Variants in ASCC3 observed in about 807,000 individuals in gnomAD.
ASCC3 encodes ASC-1 complex subunit P200.
ASCC3 carries 158 observed loss-of-function variants against 256.3 expected under a neutral mutation model. That is an observed-to-expected ratio of 0.62 (90% CI 0.54 to 0.70). ASCC3 has a LOEUF of 0.70. Ranked by LOEUF, ASCC3 falls within the 30% of genes least tolerant of loss-of-function variation. The probability of loss-of-function intolerance (pLI) is 0.00; values close to 1 mark genes in which losing one functional copy is unlikely to be tolerated. For missense variants in ASCC3, 2,259 were observed against 2,626.0 expected (o/e 0.86, Z 3.05); for synonymous variants, 948 against 883.4 (o/e 1.07, Z -1.30).
At chr6:100,817,771 T>C (rs779419581) in intron 4 of ASCC3, among the ~76,000 whole-genome samples, 16 of 152,100 alleles carry the variant, frequency 1.1e-4, no homozygotes, top group Non-Finnish European at 2.2e-4. Flanking sequence ...AAAGATTGAA[T>C]TAGTAATCAA....
intron 34 of ASCC3, among the ~76,000 whole-genome samples, chr6:100,597,874 T>C (rs986604125): frequency 7.7e-5 from 11 of 143,718 alleles, no homozygotes; most frequent in African/African-American, 2.9e-4. Flanking sequence ...CTCGGGAGGC[T>C]GAGGCAGGAG....
chr6:100,658,224 G>A (rs967273590), intron 16 of ASCC3, among the ~76,000 whole-genome samples: 1 of 151,358 alleles, frequency 6.6e-6, no homozygotes, highest in African/African-American at 2.4e-5. Flanking sequence ...TTCTAAAAGT[G>A]GCATTAGTAT....
intron 30 of ASCC3, among the ~76,000 whole-genome samples, chr6:100,610,631 C>T: frequency 6.6e-6 from 1 of 152,012 alleles, no homozygotes; most frequent in East Asian, 1.9e-4. Flanking sequence ...GTCTAAATAG[C>T]TCATGTATAA....
At chr6:100,839,857 G>C (rs1424733840) in intron 4 of ASCC3, among the ~76,000 whole-genome samples, 1 of 152,010 alleles carries the variant, frequency 6.6e-6, no homozygotes, top group Non-Finnish European at 1.5e-5. Context: ...ACCAACTGCA[G>C]TTTTTTCTTA....
At chr6:100,662,669 T>C in intron 14 of ASCC3, 133 bp from the exon 15 acceptor site, 1 of 737,266 alleles carries the variant, frequency 1.4e-6, no homozygotes, top group Non-Finnish European at 2.2e-6. Context: ...TAGGTCTTAG[T>C]ATATAATGCT....
At chr6:100,769,155 G>C (rs1377999563) in intron 8 of ASCC3, among the ~76,000 whole-genome samples, 1 of 152,010 alleles carries the variant, frequency 6.6e-6, no homozygotes, top group African/African-American at 2.4e-5. Context: ...CTCATATGTG[G>C]AATCTGAAAA....
intron 4 of ASCC3, among the ~76,000 whole-genome samples, chr6:100,833,238 A>C (rs1461675185): frequency 6.6e-6 from 1 of 152,184 alleles, no homozygotes; most frequent in East Asian, 1.9e-4. Flanking sequence ...CAACTATATG[A>C]CATCTGGAAA....
chr6:100,509,587 T>C, intron 41 of ASCC3, 54 bp from the exon 42 acceptor site: 5 of 1,522,376 alleles, frequency 3.3e-6, no homozygotes, highest in Non-Finnish European at 4.5e-6. Flanking sequence ...ATCACAATCA[T>C]ATTTAATTCT....
intron 37 of ASCC3, among the ~76,000 whole-genome samples, chr6:100,532,504 G>A (rs1774966127): frequency 6.7e-6 from 1 of 149,168 alleles, no homozygotes; most frequent in Non-Finnish European, 1.5e-5. Context: ...TCAAAGAAGG[G>A]TTTCTTGCTT....
intron 4 of ASCC3, among the ~76,000 whole-genome samples, chr6:100,817,069 T>C (rs1562318040): frequency 6.6e-6 from 1 of 151,988 alleles, no homozygotes; most frequent in Non-Finnish European, 1.5e-5. Context: ...TTCTCCAGGA[T>C]AGATCATATA....
At chr6:100,642,853 A>T in intron 23 of ASCC3, 104 bp from the exon 24 acceptor site, 1 of 1,087,210 alleles carries the variant, frequency 9.2e-7, no homozygotes, top group Non-Finnish European at 1.4e-6. Flanking sequence ...TATACTAAAG[A>T]CAAAGTATCT....
intron 8 of ASCC3, among the ~76,000 whole-genome samples, chr6:100,783,416 T>A (rs1187284596): frequency 6.6e-6 from 1 of 152,186 alleles, no homozygotes; most frequent in Non-Finnish European, 1.5e-5. Flanking sequence ...AGATCTGTTA[T>A]TAACTGCAAG....
chr6:100,789,687 A>C (rs1038369464), intron 8 of ASCC3, among the ~76,000 whole-genome samples: 2 of 151,994 alleles, frequency 1.3e-5, no homozygotes, highest in Non-Finnish European at 2.9e-5. Context: ...GGTCCCTATA[A>C]GAAAAATATT....
intron 10 of ASCC3, among the ~76,000 whole-genome samples, chr6:100,743,595 C>T (rs1780532138): frequency 1.3e-5 from 2 of 151,986 alleles, no homozygotes; most frequent in Non-Finnish European, 2.9e-5. Flanking sequence ...AGTGGGTGGT[C>T]CTATTAACAT....
intron 4 of ASCC3, among the ~76,000 whole-genome samples, chr6:100,840,331 CTTTTTG>C (rs1208909309): frequency 6.6e-6 from 1 of 151,766 alleles, no homozygotes; most frequent in Non-Finnish European, 1.5e-5. Context: ...GCATAAGAGT[CTTTTTG>C]TTTTTGTTTT....
chr6:100,773,373 A>G (rs1782032327), intron 8 of ASCC3, among the ~76,000 whole-genome samples: 1 of 152,164 alleles, frequency 6.6e-6, no homozygotes, highest in Admixed American at 6.5e-5. Context: ...TACTATTCCT[A>G]AACTACAAAT....
At chr6:100,643,013 C>A (rs959827647) in intron 23 of ASCC3, among the ~76,000 whole-genome samples, 3 of 152,100 alleles carry the variant, frequency 2.0e-5, no homozygotes. Flanking sequence ...ACCAATTTGA[C>A]TACCTGAATT....
chr6:100,582,160 TATA>T (rs1771319136), intron 36 of ASCC3, among the ~76,000 whole-genome samples: 1 of 152,066 alleles, frequency 6.6e-6, no homozygotes, highest in African/African-American at 2.4e-5. Context: ...GCATTGAATC[TATA>T]AATTACCTTG....
chr6:100,611,679 G>A (rs562622066), intron 30 of ASCC3, among the ~76,000 whole-genome samples: 1 of 151,974 alleles, frequency 6.6e-6, no homozygotes, highest in East Asian at 1.9e-4. Flanking sequence ...AAAGAGTATA[G>A]TTTCTTAGCC....
Sources: allele counts gnomAD v4.1 joint callset (sites outside exome capture counted in the v4.1 genomes callset), GRCh38; gene constraint gnomAD v4.1.1; transcripts MANE v1.5; gene names NCBI Gene and HGNC (gene_info 2026-07-23, HGNC 2026-07-21).